The following GLS variants were observed in gnomAD, a reference collection of about 807,000 sequenced individuals.
GLS encodes glutaminase kidney isoform, mitochondrial.
Under a neutral mutation model 86.7 loss-of-function variants are expected in GLS, and 36 were observed. The observed-to-expected ratio is 0.42, with a 90% CI of 0.32 to 0.55. GLS has a LOEUF of 0.55. Among genes scored for constraint, GLS ranks in the 20% least tolerant of loss-of-function variants. GLS has a pLI of 0.17. For missense variants in GLS, 528 were observed against 833.4 expected, an observed-to-expected ratio of 0.63 and a Z score of 4.51; for synonymous variants, 317 against 305.9, an observed-to-expected ratio of 1.04 and a Z score of -0.38.
Position 190,913,184 on chromosome 2 carries a change from T to C in GLS, c.1038+2863T>C. On this transcript the variant is annotated intron_variant, in intron 7 of 17. Transcript: ENST00000320717. The surrounding 1 kb of genome is among the most constrained non-coding windows in gnomAD (Gnocchi z 6.1). ...ATAATTTTGTAGTATTGATATTTTT[T>C]CCTTGTAGGATTGGTGGTGATCCTC... is the stretch of plus-strand genomic sequence containing the variant. The C allele has an allele frequency of 7.7e-7, 1 of 1,298,284 alleles. No individual in the cohort carries two copies. The highest frequency in any genetic ancestry group is 1.0e-6 in the Non-Finnish European group (1 of 983,488). 80.4% of individuals were successfully genotyped at this position (1,298,284 alleles called of 1,614,324 possible).
chr2:190,922,034 T>A (rs1169668718), intron 9 of GLS, among the ~76,000 whole-genome samples: 1 of 152,146 alleles, frequency 6.6e-6, no homozygotes, highest in African/African-American at 2.4e-5. Context: ...GAGTGCAGGC[T>A]GCTTGTTTTA....
chr2:190,921,005 GTC>G lies in GLS; in HGVS notation c.1039-15_1039-14del. 1 of 1,397,886 alleles carries G rather than the reference GTC, an allele frequency of 7.2e-7. No individual in the cohort carries two copies. The highest frequency in any genetic ancestry group is 1.2e-5 in the South Asian group (1 of 86,398). 86.6% of individuals were successfully genotyped at this position (1,397,886 alleles called of 1,614,324 possible). A position where few individuals can be genotyped will look rare whatever the true frequency, so the allele number is the denominator to read the frequency against. On this transcript the variant is annotated splice_polypyrimidine_tract_variant and intron_variant, in intron 7 of 17. Coordinates refer to ENST00000320717, the MANE Select transcript of GLS (RefSeq NM_014905.5). This position sits in a 1 kb window ranked among gnomAD's most constrained non-coding sequence, Gnocchi z 4.2. Reference sequence around the variant, plus strand: ...GTGGTACCTATATTAACGTATTTATGTCTCTTATTTTTTTGCAGCAAGGAGTA... The same window carrying G: ...GTGGTACCTATATTAACGTATTTATGTCTTATTTTTTTGCAGCAAGGAGTA...
chr2:190,928,283 C>A (rs187185261), intron 12 of GLS, among the ~76,000 whole-genome samples: 33 of 150,808 alleles, frequency 2.2e-4, no homozygotes, highest in Admixed American at 2.2e-3. Flanking sequence ...AATTGAATAT[C>A]AAAATATTTA....
At position 190,881,393 on chromosome 2, in the gene GLS, C is replaced by G. The variant is rs773785583; in HGVS notation, c.309C>G (p.Pro103=). 9.1e-6 allele frequency: 14 copies of G among 1,542,038 alleles called. No individual in the cohort carries two copies. In the East Asian group the frequency reaches 3.2e-4, roughly 36 times the overall value. The change falls in exon 1 of 18, where the codon CCC becomes CCG. Residue 103 remains proline, a synonymous_variant. Transcript: ENST00000320717. ...GVSPPAAPAA[P]GPKDGPGETD... ...CGCCACCCGCTGCCCCGGCGGCGCC[C>G]GGCCCCAAGGACGGCCCCGGGGAGA...
intron 1 of GLS, among the ~76,000 whole-genome samples, chr2:190,892,426 TTAA>T (rs1456514827): frequency 2.0e-5 from 3 of 152,300 alleles, no homozygotes; most frequent in South Asian, 4.1e-4. Context: ...ATTTGGGTTA[TTAA>T]TAATTGTTGA....
rs949232380 is a variant in GLS, at chr2:190,953,456, T to C, written c.1651-109T>C. On this transcript the variant is annotated intron_variant, in intron 14 of 17. Transcript: ENST00000320717. This position sits in a 1 kb window ranked among gnomAD's most constrained non-coding sequence, Gnocchi z 4.0. ...TGTCCTTGAGATCACTTTTTGCACGTGACTCAGCTGAAGTGTTCAAAGCAC... is the reference window on the plus strand; with the variant it reads ...TGTCCTTGAGATCACTTTTTGCACGCGACTCAGCTGAAGTGTTCAAAGCAC... 3 of 740,800 alleles carry C rather than the reference T, an allele frequency of 4.0e-6. No homozygotes were observed. The highest frequency in any genetic ancestry group is 7.3e-6 in the Non-Finnish European group (3 of 411,640). 45.9% of individuals were successfully genotyped at this position (740,800 alleles called of 1,614,324 possible).
Position 190,921,161 on chromosome 2 carries a change from A to G in GLS, c.1088A>G (p.Asn363Ser). 1 of 1,609,174 alleles carries G rather than the reference A, an allele frequency of 6.2e-7. No individual in the cohort carries two copies. Among genetic ancestry groups the G allele is most frequent in the Non-Finnish European group, 8.5e-7 (1 of 1,175,898 alleles). The change falls in exon 9 of 18, where the codon AAT becomes AGT. Residue 363 changes from asparagine (N) to serine (S), a missense_variant. Asn to Ser is a conservative substitution (Grantham distance 46, BLOSUM62 1). Coordinates refer to ENST00000320717, the MANE Select transcript of GLS (RefSeq NM_014905.5). This position sits in a 1 kb window ranked among gnomAD's most constrained non-coding sequence, Gnocchi z 4.2. ...GGTTTCTAGGTCATGCAGTTTTTGA[A>G]TAAGATGGCTGGTAATGAATATGTT... ...EKFDYVMQFL[N>S]KMAGNEYVGF...
chr2:190,884,600 A>G (rs1013198295), intron 1 of GLS, among the ~76,000 whole-genome samples: 7 of 152,198 alleles, frequency 4.6e-5, no homozygotes, highest in Admixed American at 1.3e-4. Flanking sequence ...TATGTATCCT[A>G]TCTTAGTGAA....
At chr2:190,911,946 G>A (rs1689376494) in intron 7 of GLS, among the ~76,000 whole-genome samples, 2 of 152,056 alleles carry the variant, frequency 1.3e-5, no homozygotes, top group Admixed American at 6.6e-5. Flanking sequence ...TTCCTTCACT[G>A]CACACAGTTA....
intron 1 of GLS, chr2:190,882,013 T>C (rs776718866): frequency 6.6e-6 from 1 of 152,456 alleles, no homozygotes. Context: ...AGAGAGCTCT[T>C]TATATTTCGG....
At position 190,920,164 on chromosome 2, in the gene GLS, A is replaced by T. The variant is rs1437558157; in HGVS notation, c.1039-860A>T. 1 of 151,894 alleles carries T rather than the reference A, an allele frequency of 6.6e-6. No homozygotes were observed. The highest frequency in any genetic ancestry group is 2.1e-4 in the South Asian group (1 of 4,826). The allele number at this position is 151,894 out of a possible 1,614,324, so 9.4% of individuals were successfully genotyped here. A position where few individuals can be genotyped will look rare whatever the true frequency, so the allele number is the denominator to read the frequency against. On this transcript the variant is annotated intron_variant, in intron 7 of 17. Transcript: ENST00000320717. This position sits in a 1 kb window ranked among gnomAD's most constrained non-coding sequence, Gnocchi z 4.2. Reference sequence around the variant, plus strand: ...TTTAAGCCTATTTTAGAAATTAGAGATGTATTGTTTCTTTTGGGTGCATAT... The same window carrying T: ...TTTAAGCCTATTTTAGAAATTAGAGTTGTATTGTTTCTTTTGGGTGCATAT...
Position 190,914,611 on chromosome 2 carries a change from C to T in GLS, c.1038+4290C>T, listed in dbSNP as rs140982602. Among the ~76,000 whole-genome samples, 866 of 151,940 alleles carry T rather than the reference C, an allele frequency of 5.7e-3. 13 individuals are homozygous for T. Among genetic ancestry groups the T allele is most frequent in the African/African-American group, 0.018 (764 of 41,422 alleles). The stretch of plus-strand genomic sequence containing the variant: ...CTTTAAACCATTTTCTATCATAAGA[C>T]TAAATTAAGAGTATTTCACAAAATC... On this transcript the variant is annotated intron_variant, in intron 7 of 17. Transcript: ENST00000320717. This position sits in a 1 kb window ranked among gnomAD's most constrained non-coding sequence, Gnocchi z 4.4.
In GLS at chr2:190,953,100, CTT is replaced by C. The variant is rs1558995073; in HGVS notation, c.1651-464_1651-463del. 6.6e-6 allele frequency among the ~76,000 whole-genome samples: 1 copy of C among 152,196 alleles called. No individual in the cohort carries two copies. Among genetic ancestry groups the C allele is most frequent in the Admixed American group, 6.5e-5 (1 of 15,286 alleles). On this transcript the variant is annotated intron_variant, in intron 14 of 17. Transcript: ENST00000320717. The surrounding 1 kb of genome is among the most constrained non-coding windows in gnomAD (Gnocchi z 4.0). ...TGACAGTTAACACTGAATGTTCTCT[CTT>C]AAGATTTGCAAAGAAGCCAGTGATT...
At chr2:190,931,087 A>T (rs760895471) in intron 13 of GLS, among the ~76,000 whole-genome samples, 4 of 152,186 alleles carry the variant, frequency 2.6e-5, no homozygotes, top group Non-Finnish European at 5.9e-5. Flanking sequence ...AGTTTTAGTT[A>T]CATTGATTAC....
At chr2:190,892,991 C>T (rs1688613994) in intron 1 of GLS, among the ~76,000 whole-genome samples, 1 of 152,092 alleles carries the variant, frequency 6.6e-6, no homozygotes, top group African/African-American at 2.4e-5. Context: ...TTAGGCAAAG[C>T]AAATACCATT....
chr2:190,880,902 A>AGCAGCAGCC lies in GLS; in HGVS notation c.-175_-174insCGCAGCAGC, dbSNP rs1688120056. The stretch of plus-strand genomic sequence containing the variant: ...CAGCAGCAGCAGCAGCAGCAGCAGC[A>AGCAGCAGCC]GCAGCAGCAGCAGCAGCACCCGCAT... On this transcript the variant is annotated 5_prime_UTR_variant, in exon 1 of 18. Coordinates refer to ENST00000320717, the MANE Select transcript of GLS (RefSeq NM_014905.5). The AGCAGCAGCC allele has an allele frequency of 1.1e-6, 1 of 904,230 alleles. No individual in the cohort carries two copies. Among genetic ancestry groups the AGCAGCAGCC allele is most frequent in the East Asian group, 3.1e-5 (1 of 32,290 alleles). 56.0% of individuals were successfully genotyped at this position (904,230 alleles called of 1,614,324 possible).
chr2:190,899,422 A>G (rs1377450576), intron 3 of GLS, among the ~76,000 whole-genome samples: 8 of 152,096 alleles, frequency 5.3e-5, no homozygotes, highest in African/African-American at 9.7e-5. Context: ...ACAAATGAGT[A>G]TATATTATTC....
chr2:190,911,475 T>A (rs1171493654), intron 7 of GLS, among the ~76,000 whole-genome samples: 1 of 152,144 alleles, frequency 6.6e-6, no homozygotes, highest in Non-Finnish European at 1.5e-5. Flanking sequence ...CAAGTGTTTT[T>A]AAAATGTAAC....
rs1414816284 is a variant in GLS, at chr2:190,895,516, T to A, written c.484-88T>A. ...TGTTCAAGTGTTGGGTAGAAGTTTTTATATACAGGAATAAAATCTTATAGT... is the reference window on the plus strand; with the variant it reads ...TGTTCAAGTGTTGGGTAGAAGTTTTAATATACAGGAATAAAATCTTATAGT... On this transcript the variant is annotated intron_variant, in intron 2 of 17. Transcript: ENST00000320717. This position sits in a 1 kb window ranked among gnomAD's most constrained non-coding sequence, Gnocchi z 4.2. 2.1e-6 allele frequency: 2 copies of A among 933,214 alleles called. No homozygotes were observed. Among genetic ancestry groups the A allele is most frequent in the Non-Finnish European group, 3.2e-6 (2 of 628,008 alleles). The allele number at this position is 933,214 out of a possible 1,614,324, so 57.8% of individuals were successfully genotyped here.
Sources: gnomAD v4.1 joint callset for allele counts (sites outside exome capture counted in the v4.1 genomes callset) on GRCh38, gnomAD v4.1.1 for gene constraint, Gnocchi (gnomAD v3.1) non-coding constraint, MANE v1.5 for transcripts, NCBI Gene and HGNC (gene_info 2026-07-23, HGNC 2026-07-21) for gene names.